Variants in CNTN1 observed in about 807,000 individuals in gnomAD.
CNTN1 encodes the protein contactin-1.
CNTN1 carries 38 observed loss-of-function variants against 126.4 expected under a neutral mutation model. The observed-to-expected ratio is 0.30, with a 90% CI of 0.23 to 0.39. The LOEUF (loss-of-function observed/expected upper bound fraction) is 0.39. CNTN1 is among the 10% of genes least tolerant of loss of function. The pLI, the probability that CNTN1 is intolerant of heterozygous loss-of-function variation, is 1.00. For synonymous variants in CNTN1, 413 were observed against 422.6 expected (o/e 0.98, Z 0.28); for missense variants, 1,009 against 1,248.4 (o/e 0.81, Z 2.89).
At chr12:40,847,350 G>A (rs980439564) in intron 1 of CNTN1, among the ~76,000 whole-genome samples, 1 of 152,048 alleles carries the variant, frequency 6.6e-6, no homozygotes, top group Non-Finnish European at 1.5e-5. Context: ...GCTTATTAAA[G>A]TATCTTAAAC....
intron 17 of CNTN1, among the ~76,000 whole-genome samples, chr12:40,995,612 A>G (rs1057215138): frequency 6.6e-6 from 1 of 152,158 alleles, no homozygotes; most frequent in African/African-American, 2.4e-5. Flanking sequence ...TTAAGGACTT[A>G]GTTCCCCATC....
intron 23 of CNTN1, among the ~76,000 whole-genome samples, chr12:41,043,081 T>C (rs1949455203): frequency 6.6e-6 from 1 of 152,130 alleles, no homozygotes; most frequent in Admixed American, 6.6e-5. Flanking sequence ...ATTCAAGACA[T>C]AGGCATGGGC....
At chr12:41,014,395 T>C (rs1191383511) in intron 18 of CNTN1, 97 bp downstream of exon 18, 1 of 1,196,032 alleles carries the variant, frequency 8.4e-7, no homozygotes, top group African/African-American at 1.5e-5. Flanking sequence ...TGAAAGTGAC[T>C]GCCTACTGCA....
chr12:40,970,018 C>T (rs1232688316), intron 15 of CNTN1, among the ~76,000 whole-genome samples: 2 of 152,074 alleles, frequency 1.3e-5, no homozygotes, highest in African/African-American at 4.8e-5. Context: ...AGCTTGACCC[C>T]GCCCCTCCTT....
intron 6 of CNTN1, among the ~76,000 whole-genome samples, chr12:40,926,207 A>AGATAGATT (rs1555182070): frequency 2.6e-5 from 4 of 151,828 alleles, no homozygotes; most frequent in Non-Finnish European, 4.4e-5. Flanking sequence ...ATAGATAGAT[A>AGATAGATT]GATAGATAGA....
At chr12:41,041,126 G>C (rs77654702) in intron 23 of CNTN1, among the ~76,000 whole-genome samples, 5,262 of 131,806 alleles carry the variant, frequency 0.04, 87 homozygotes, top group Middle Eastern at 0.077. Flanking sequence ...TAGCATGAAG[G>C]GTTGTTGAAT....
At chr12:40,834,984 G>T (rs965863661) in intron 1 of CNTN1, among the ~76,000 whole-genome samples, 2 of 152,214 alleles carry the variant, frequency 1.3e-5, no homozygotes, top group Middle Eastern at 3.4e-3. Context: ...GAGGCTACGG[G>T]GACCTGGCTG....
At chr12:40,745,329 C>A (rs1938136649) in intron 1 of CNTN1, among the ~76,000 whole-genome samples, 1 of 152,040 alleles carries the variant, frequency 6.6e-6, no homozygotes, top group South Asian at 2.1e-4. Flanking sequence ...AGGTGCTCGG[C>A]CCACAGCTAA....
intron 16 of CNTN1, among the ~76,000 whole-genome samples, chr12:40,986,533 C>T (rs1279010345): frequency 1.3e-5 from 2 of 152,144 alleles, no homozygotes; most frequent in Admixed American, 6.6e-5. Context: ...GACTCTTCTA[C>T]GTTGGACCCC....
Position 40,929,935 on chromosome 12 carries a change from T to C in CNTN1, c.636T>C (p.Phe212=), listed in dbSNP as rs1190314133. Residue 212 remains phenylalanine (F), a synonymous_variant, in exon 7 of 24, where the codon TTT becomes TTC. Coordinates refer to ENST00000551295, the MANE Select transcript of CNTN1 (RefSeq NM_001843.4). ...CCGACAAAGGCAATTATTCCTGCTT[T>C]GTTTCCAGTCCTTCTATTACAAAGA... is the stretch of plus-strand genomic sequence containing the variant. ...EASDKGNYSC[F]VSSPSITKSV... 3 of 1,612,930 alleles carry C rather than the reference T, an allele frequency of 1.9e-6. No homozygotes were observed. The highest frequency in any genetic ancestry group is 2.7e-5 in the African/African-American group (2 of 74,862).
intron 1 of CNTN1, among the ~76,000 whole-genome samples, chr12:40,788,925 C>T (rs189356567): frequency 1.1e-4 from 16 of 152,154 alleles, no homozygotes; most frequent in East Asian, 9.7e-4. Flanking sequence ...AATTTTCTCT[C>T]GTGTTCGATA....
intron 1 of CNTN1, among the ~76,000 whole-genome samples, chr12:40,787,085 C>G (rs535840282): frequency 3.3e-5 from 5 of 152,206 alleles, no homozygotes; most frequent in Admixed American, 1.3e-4. Context: ...AAAAATCTGC[C>G]TCTATATCAA....
At chr12:40,835,725 C>A (rs543286431) in intron 1 of CNTN1, among the ~76,000 whole-genome samples, 116 of 151,952 alleles carry the variant, frequency 7.6e-4, no homozygotes, top group African/African-American at 2.7e-3. Flanking sequence ...TTTTAGCTGA[C>A]ACTTTAATCT....
rs775932156 is a variant in CNTN1 at position 40,739,731 on chromosome 12, CTT to C, written c.-77+47140_-77+47141del. On this transcript the variant is annotated intron_variant, in intron 1 of 23. Coordinates refer to ENST00000551295, the MANE Select transcript of CNTN1 (RefSeq NM_001843.4). ...CAGAGGTTGTTTACTACAGGGGTAA[CTT>C]ATATTTTTCTGTGTCCTTGAAATAC... Among the ~76,000 whole-genome samples, 19 of 152,058 alleles carry C rather than the reference CTT, an allele frequency of 1.2e-4. 1 individual carries two copies. The highest frequency in any genetic ancestry group is 6.6e-4 in the Admixed American group (10 of 15,242).
intron 3 of CNTN1, among the ~76,000 whole-genome samples, chr12:40,913,853 T>G (rs1945137334): frequency 6.6e-6 from 1 of 152,186 alleles, no homozygotes; most frequent in African/African-American, 2.4e-5. Context: ...TATTTCTATC[T>G]TAGTCTTTTT....
chr12:40,793,770 A>C (rs1940308065), intron 1 of CNTN1, among the ~76,000 whole-genome samples: 1 of 151,196 alleles, frequency 6.6e-6, no homozygotes. Flanking sequence ...CTCCTTCCCC[A>C]CCCCTTCAGG....
chr12:40,797,936 T>A (rs1322762461), intron 1 of CNTN1, among the ~76,000 whole-genome samples: 2 of 152,018 alleles, frequency 1.3e-5, no homozygotes, highest in African/African-American at 4.8e-5. Context: ...TGTCAAGAGT[T>A]CAATTGTGAT....
At chr12:41,015,508 A>G (rs1839570712) in intron 18 of CNTN1, among the ~76,000 whole-genome samples, 1 of 152,196 alleles carries the variant, frequency 6.6e-6, no homozygotes, top group Admixed American at 6.5e-5. Flanking sequence ...ATCAATAAGA[A>G]AAATGTTTAA....
At chr12:40,993,776 A>G (rs953335300) in intron 17 of CNTN1, among the ~76,000 whole-genome samples, 2 of 152,140 alleles carry the variant, frequency 1.3e-5, no homozygotes, top group African/African-American at 4.8e-5. Context: ...TTTAGGTTTG[A>G]TATTACTTGG....
Sources: gnomAD v4.1 joint callset for allele counts (sites outside exome capture counted in the v4.1 genomes callset) on GRCh38, gnomAD v4.1.1 for gene constraint, MANE v1.5 for transcripts, NCBI Gene and HGNC (gene_info 2026-07-23, HGNC 2026-07-21) for gene names.